CDH12: variants seen among roughly 807,000 people sequenced by gnomAD.
CDH12 encodes the protein cadherin 12.
In CDH12, 41 loss-of-function variants were observed where a neutral mutation model predicts 74.1. That is an observed-to-expected ratio of 0.55 (90% CI 0.43 to 0.72). The LOEUF (loss-of-function observed/expected upper bound fraction) is 0.72, where lower values mean the gene tolerates loss of function less well. Among genes scored for constraint, CDH12 ranks in the 30% least tolerant of loss-of-function variants. The probability of loss-of-function intolerance (pLI) is 0.00; values close to 1 mark genes in which losing one functional copy is unlikely to be tolerated. For synonymous variants in CDH12, 399 were observed against 355.0 expected, an observed-to-expected ratio of 1.12 and a Z score of -1.39; for missense variants, 945 against 977.2, an observed-to-expected ratio of 0.97 and a Z score of 0.44.
intron 11 of CDH12, among the ~76,000 whole-genome samples, chr5:21,782,327 A>G (rs1221401935): frequency 6.6e-6 from 1 of 152,204 alleles, no homozygotes; most frequent in Non-Finnish European, 1.5e-5. Flanking sequence ...AATCAAAATA[A>G]ACTAAAAGTA....
At chr5:22,468,200 T>A (rs1410905524) in intron 2 of CDH12, among the ~76,000 whole-genome samples, 1 of 152,190 alleles carries the variant, frequency 6.6e-6, no homozygotes, top group African/African-American at 2.4e-5. Flanking sequence ...GTAATTGGTA[T>A]CTAAATGGCT....
intron 6 of CDH12, among the ~76,000 whole-genome samples, chr5:21,873,523 G>A (rs1028242388): frequency 4.6e-5 from 7 of 152,026 alleles, no homozygotes; most frequent in Admixed American, 3.3e-4. Flanking sequence ...GTGTCACAGG[G>A]GAGAAAAATA....
intron 5 of CDH12, among the ~76,000 whole-genome samples, chr5:21,979,811 T>TA (rs1284268425): frequency 0.015 from 2,085 of 141,432 alleles, 14 homozygotes; most frequent in Non-Finnish European, 0.02. Context: ...TTTACATGAG[T>TA]AAAAAAAAAA....
In CDH12 at chr5:22,276,773, G is replaced by A. The variant is rs180743129; in HGVS notation, c.-332-64130C>T. On this transcript the variant is annotated intron_variant, in intron 3 of 14. Transcript: ENST00000382254. ...GCGATCTCAGCTCACTGCAACCTCC[G>A]CCTTCTGGGTTCAAGCCATGCTCCT... Among the ~76,000 whole-genome samples the A allele has an allele frequency of 6.4e-4, 97 of 152,222 alleles. No homozygotes were observed. In the East Asian group the frequency reaches 0.017, roughly 27 times the overall value.
At chr5:21,918,384 T>C (rs1754198359) in intron 6 of CDH12, among the ~76,000 whole-genome samples, 1 of 152,144 alleles carries the variant, frequency 6.6e-6, no homozygotes, top group South Asian at 2.1e-4. Context: ...AAAATCCTTT[T>C]TTTTTCAGCA....
At chr5:22,313,782 T>C (rs935675637) in intron 3 of CDH12, among the ~76,000 whole-genome samples, 1 of 152,038 alleles carries the variant, frequency 6.6e-6, no homozygotes, top group East Asian at 1.9e-4. Context: ...GTTATGAGTA[T>C]GCAAAGGCAT....
intron 3 of CDH12, among the ~76,000 whole-genome samples, chr5:22,354,746 G>A (rs1250651957): frequency 6.6e-6 from 1 of 152,100 alleles, no homozygotes; most frequent in African/African-American, 2.4e-5. Context: ...AAAGAAAGAG[G>A]TGACCACGGT....
chr5:22,542,549 G>T (rs1738152853), intron 1 of CDH12, among the ~76,000 whole-genome samples: 2 of 152,106 alleles, frequency 1.3e-5, no homozygotes, highest in African/African-American at 4.8e-5. Context: ...TTTAGTAATG[G>T]TTTTCTCTAA....
intron 1 of CDH12, among the ~76,000 whole-genome samples, chr5:22,619,785 G>A (rs1316094173): frequency 6.6e-6 from 1 of 151,866 alleles, no homozygotes; most frequent in Non-Finnish European, 1.5e-5. Context: ...CAGCGAATGT[G>A]TACAGGATTG....
At chr5:22,678,959 T>C (rs1741351732) in intron 1 of CDH12, among the ~76,000 whole-genome samples, 1 of 152,140 alleles carries the variant, frequency 6.6e-6, no homozygotes, top group Non-Finnish European at 1.5e-5. Context: ...CATTTTCCAT[T>C]AAACTAAGAA....
At chr5:22,792,672 A>G (rs1464915923) in intron 1 of CDH12, among the ~76,000 whole-genome samples, 3 of 152,120 alleles carry the variant, frequency 2.0e-5, no homozygotes, top group Non-Finnish European at 4.4e-5. Flanking sequence ...GGCTTTGTAA[A>G]TTTGGTGAAT....
At chr5:22,719,406 C>T (rs1187116062) in intron 1 of CDH12, among the ~76,000 whole-genome samples, 1 of 152,080 alleles carries the variant, frequency 6.6e-6, no homozygotes, top group South Asian at 2.1e-4. Context: ...AACATTCTTC[C>T]TGAGAGAATA....
intron 2 of CDH12, among the ~76,000 whole-genome samples, chr5:22,467,401 T>G (rs1745781197): frequency 1.3e-5 from 2 of 152,186 alleles, no homozygotes; most frequent in African/African-American, 4.8e-5. Flanking sequence ...TAATGTTCCT[T>G]CCAATGGACT....
chr5:22,780,619 T>C (rs984578859), intron 1 of CDH12, among the ~76,000 whole-genome samples: 1 of 152,068 alleles, frequency 6.6e-6, no homozygotes, highest in African/African-American at 2.4e-5. Flanking sequence ...ACTGCCCCCA[T>C]GATTCAATTA....
intron 1 of CDH12, among the ~76,000 whole-genome samples, chr5:22,636,142 C>T (rs1413565714): frequency 1.3e-5 from 2 of 151,968 alleles, no homozygotes; most frequent in African/African-American, 2.4e-5. Flanking sequence ...AATGAGATAC[C>T]ATTGCACTCA....
intron 3 of CDH12, among the ~76,000 whole-genome samples, chr5:22,362,175 T>C (rs889975117): frequency 2.6e-5 from 4 of 152,124 alleles, no homozygotes; most frequent in Admixed American, 2.0e-4. Flanking sequence ...TTTTGCAATC[T>C]ACTCATCTGA....
chr5:22,562,290 C>G (rs1037131545), intron 1 of CDH12, among the ~76,000 whole-genome samples: 26 of 152,110 alleles, frequency 1.7e-4, no homozygotes, highest in African/African-American at 5.5e-4. Context: ...GCACTCCAGC[C>G]TGGGCGACAG....
At chr5:22,724,603 T>C (rs1744068088) in intron 1 of CDH12, among the ~76,000 whole-genome samples, 1 of 151,984 alleles carries the variant, frequency 6.6e-6, no homozygotes, top group African/African-American at 2.4e-5. Context: ...ATGGTGTATA[T>C]ATACCACATT....
At chr5:22,045,426 C>T (rs536418660) in intron 5 of CDH12, among the ~76,000 whole-genome samples, 1 of 152,132 alleles carries the variant, frequency 6.6e-6, no homozygotes, top group Admixed American at 6.6e-5. Flanking sequence ...CTAGCAATCC[C>T]ATTACTGGGT....
Sources: allele counts gnomAD v4.1 joint callset (sites outside exome capture counted in the v4.1 genomes callset), GRCh38; gene constraint gnomAD v4.1.1; transcripts MANE v1.5; gene names NCBI Gene and HGNC (gene_info 2026-07-23, HGNC 2026-07-21).